The following INSC variants were observed in gnomAD, a reference collection of about 807,000 sequenced individuals.
INSC encodes the protein INSC spindle orientation adaptor protein.
INSC carries 67 observed loss-of-function variants against 58.6 expected under a neutral mutation model. The observed-to-expected ratio is 1.14, with a 90% CI of 0.94 to 1.40. The LOEUF is 1.40. Ranked by LOEUF, INSC falls within the 40% of genes most tolerant of loss-of-function variation. The pLI is 0.00. For synonymous variants in INSC, 262 were observed against 276.1 expected, an observed-to-expected ratio of 0.95 and a Z score of 0.51; for missense variants, 714 against 692.0, an observed-to-expected ratio of 1.03 and a Z score of -0.36.
chr11:15,164,317 T>C (rs537928875), intron 2 of INSC, among the ~76,000 whole-genome samples: 3 of 152,334 alleles, frequency 2.0e-5, no homozygotes, highest in African/African-American at 7.2e-5. Context: ...TCTAACTTTA[T>C]AGAACTCCAC....
intron 2 of INSC, among the ~76,000 whole-genome samples, chr11:15,166,945 G>GT (rs933990231): frequency 6.6e-6 from 1 of 152,194 alleles, no homozygotes; most frequent in Admixed American, 6.5e-5. Flanking sequence ...GAATAAGAGA[G>GT]TAAACCAAGT....
At chr11:15,240,818 G>A (rs1300524178) in intron 12 of INSC, among the ~76,000 whole-genome samples, 1 of 152,146 alleles carries the variant, frequency 6.6e-6, no homozygotes, top group African/African-American at 2.4e-5. Flanking sequence ...CCTGTGGAAC[G>A]CTAGCTGGTC....
chr11:15,236,732 G>A (rs567006798), intron 10 of INSC, among the ~76,000 whole-genome samples: 13 of 152,326 alleles, frequency 8.5e-5, no homozygotes, highest in African/African-American at 2.6e-4. Context: ...AACCAGAGAC[G>A]CTAATGAGGC....
At chr11:15,232,553 C>T (rs1304434761) in intron 9 of INSC, among the ~76,000 whole-genome samples, 1 of 152,164 alleles carries the variant, frequency 6.6e-6, no homozygotes, top group Non-Finnish European at 1.5e-5. Context: ...GCTATGGTGC[C>T]TGGCTGAGTT....
upstream of INSC, among the ~76,000 whole-genome samples, chr11:15,113,928 C>T (rs754464411): frequency 2.0e-5 from 3 of 151,954 alleles, no homozygotes; most frequent in Non-Finnish European, 4.4e-5. Context: ...TCCCTGAATA[C>T]ATATTGTGAG....
intron 1 of INSC, among the ~76,000 whole-genome samples, chr11:15,120,151 T>A (rs1847835403): frequency 6.6e-6 from 1 of 152,142 alleles, no homozygotes; most frequent in African/African-American, 2.4e-5. Flanking sequence ...CTGAGGATGA[T>A]GAAAGAGACT....
At chr11:15,144,425 G>A (rs1315371628) in intron 1 of INSC, among the ~76,000 whole-genome samples, 2 of 152,162 alleles carry the variant, frequency 1.3e-5, no homozygotes, top group African/African-American at 2.4e-5. Context: ...ATGATGGGCT[G>A]ACAGGACAGC....
At chr11:15,219,385 C>T (rs1172429618) in intron 7 of INSC, among the ~76,000 whole-genome samples, 3 of 152,164 alleles carry the variant, frequency 2.0e-5, no homozygotes, top group South Asian at 2.1e-4. Context: ...CTCTGTAGAG[C>T]ATCTTCATTT....
At position 15,178,455 on chromosome 11, in the gene INSC, C is replaced by T. The variant is rs200398146; in HGVS notation, c.579+8C>T. ...CTGACACGGGAGGTTCAGGTCAGTGCAGGCTGGGCTGCAGGGAGGGGTGCT... is the reference window on the plus strand; with the variant it reads ...CTGACACGGGAGGTTCAGGTCAGTGTAGGCTGGGCTGCAGGGAGGGGTGCT... On this transcript the variant is annotated splice_region_variant and intron_variant, in intron 5 of 12. Coordinates refer to ENST00000379556, the MANE Select transcript of INSC (RefSeq NM_001042536.3). 7.7e-5 allele frequency: 124 copies of T among 1,607,396 alleles called. No homozygotes were observed. The highest frequency in any genetic ancestry group is 1.7e-5 in the Admixed American group (1 of 59,954).
chr11:15,163,399 T>G (rs1295147664), intron 2 of INSC, among the ~76,000 whole-genome samples: 1 of 152,156 alleles, frequency 6.6e-6, no homozygotes, highest in Non-Finnish European at 1.5e-5. Flanking sequence ...CTTTTATGTA[T>G]GTAGTATATT....
chr11:15,248,925 TTACCA>T (rs1160454637), downstream of INSC, among the ~76,000 whole-genome samples: 1 of 152,134 alleles, frequency 6.6e-6, no homozygotes, highest in Non-Finnish European at 1.5e-5. Flanking sequence ...AGGTAAGCCC[TTACCA>T]TCCTAAGAGC....
intron 7 of INSC, among the ~76,000 whole-genome samples, chr11:15,205,868 C>T (rs1850777609): frequency 1.3e-5 from 2 of 152,108 alleles, no homozygotes; most frequent in Non-Finnish European, 1.5e-5. Flanking sequence ...GGACTGGGAG[C>T]CAGGTTCTCT....
intron 5 of INSC, among the ~76,000 whole-genome samples, chr11:15,183,594 A>G (rs1849860592): frequency 1.3e-5 from 2 of 152,192 alleles, no homozygotes; most frequent in African/African-American, 4.8e-5. Flanking sequence ...GGTAGGATAC[A>G]TCAAGCACTA....
At position 15,239,049 on chromosome 11, in the gene INSC, G is replaced by A. The variant is rs1489235653; in HGVS notation, c.1368G>A (p.Val456=). The change falls in exon 11 of 13, where the codon GTG becomes GTA. Residue 456 remains valine (V), a synonymous_variant. Transcript: ENST00000379556. ...CTCGTCTCAGCCGAGACCCAGATGTGGCACGGGAGGCCGTGCGGCTCAGCT... is the reference window on the plus strand; with the variant it reads ...CTCGTCTCAGCCGAGACCCAGATGTAGCACGGGAGGCCGTGCGGCTCAGCT... ...TLARLSRDPD[V]AREAVRLSCM... 7 of 1,613,680 alleles carry A rather than the reference G, an allele frequency of 4.3e-6. No individual in the cohort carries two copies. The highest frequency in any genetic ancestry group is 5.1e-6 in the Non-Finnish European group (6 of 1,179,896).
chr11:15,216,023 G>A (rs927559181), intron 7 of INSC, among the ~76,000 whole-genome samples: 8 of 152,158 alleles, frequency 5.3e-5, no homozygotes, highest in Admixed American at 1.3e-4. Flanking sequence ...GAATGTAGAC[G>A]TGGATCTCAG....
intron 1 of INSC, among the ~76,000 whole-genome samples, chr11:15,124,635 C>T (rs760181958): frequency 6.6e-6 from 1 of 152,084 alleles, no homozygotes; most frequent in Non-Finnish European, 1.5e-5. Flanking sequence ...TAAAATGTGG[C>T]ATTTAGAAAC....
intron 9 of INSC, among the ~76,000 whole-genome samples, chr11:15,230,257 C>T (rs1421663023): frequency 6.6e-6 from 1 of 151,448 alleles, no homozygotes; most frequent in African/African-American, 2.4e-5. Context: ...TTAATTGGCT[C>T]ATGGTTCTAC....
intron 7 of INSC, among the ~76,000 whole-genome samples, chr11:15,201,592 C>T (rs763776343): frequency 1.3e-5 from 2 of 152,178 alleles, no homozygotes; most frequent in Non-Finnish European, 2.9e-5. Context: ...CCTGGTTGTG[C>T]GACTGAGGCT....
intron 5 of INSC, among the ~76,000 whole-genome samples, chr11:15,183,507 C>G (rs369604674): frequency 9.2e-5 from 14 of 151,920 alleles, no homozygotes; most frequent in African/African-American, 3.4e-4. Context: ...TTTATTTTAT[C>G]CCTTCCATCC....
Sources: allele counts gnomAD v4.1 joint callset (sites outside exome capture counted in the v4.1 genomes callset), GRCh38; gene constraint gnomAD v4.1.1; transcripts MANE v1.5; gene names NCBI Gene and HGNC (gene_info 2026-07-23, HGNC 2026-07-21).